Variants in QKI observed in about 807,000 individuals in gnomAD.
QKI encodes the protein QKI, KH domain containing RNA binding.
Under a neutral mutation model 39.0 loss-of-function variants are expected in QKI, and 10 were observed. That is an observed-to-expected ratio of 0.26 (90% CI 0.16 to 0.43). The LOEUF (loss-of-function observed/expected upper bound fraction) is 0.43. QKI is among the 20% of genes least tolerant of loss of function. The pLI, the probability that QKI is intolerant of heterozygous loss-of-function variation, is 1.00. For missense variants in QKI, 218 were observed against 428.0 expected (o/e 0.51, Z 4.33); for synonymous variants, 204 against 155.4 (o/e 1.31, Z -2.33).
intron 4 of QKI, among the ~76,000 whole-genome samples, chr6:163,554,505 G>A (rs1479024758): frequency 6.6e-6 from 1 of 152,212 alleles, no homozygotes; most frequent in Non-Finnish European, 1.5e-5. Context: ...TCTACCAGCT[G>A]TATAGGATAA....
At chr6:163,467,571 C>A (rs1791861645) in intron 2 of QKI, among the ~76,000 whole-genome samples, 1 of 152,118 alleles carries the variant, frequency 6.6e-6, no homozygotes, top group Non-Finnish European at 1.5e-5. Flanking sequence ...GTAACATGTG[C>A]CATGTGTGCT....
At chr6:163,500,345 C>G (rs9347752) in intron 3 of QKI, among the ~76,000 whole-genome samples, 12,766 of 152,008 alleles carry the variant, frequency 0.084, 648 homozygotes, top group African/African-American at 0.12. Context: ...TTGGCTGTTG[C>G]AGTTGTTGAG....
chr6:163,447,869 G>T (rs1562443361), intron 1 of QKI, among the ~76,000 whole-genome samples: 1 of 152,056 alleles, frequency 6.6e-6, no homozygotes, highest in Non-Finnish European at 1.5e-5. Flanking sequence ...TCTCCTAATA[G>T]GTGATTATTG....
chr6:163,484,339 A>G (rs1793308955), intron 3 of QKI, among the ~76,000 whole-genome samples: 1 of 151,868 alleles, frequency 6.6e-6, no homozygotes, highest in Admixed American at 6.6e-5. Flanking sequence ...AGCTGGGGTT[A>G]GAGGCATGCA....
At chr6:163,570,666 TTG>T in intron 7 of QKI, 26 bp from the exon 8 acceptor site, 1 of 1,603,908 alleles carries the variant, frequency 6.2e-7, no homozygotes, top group Admixed American at 1.7e-5. Context: ...TTTTTTTGTT[TTG>T]TTTTTTTTTG....
Position 163,415,301 on chromosome 6 carries a change from G to T in QKI, c.108G>T (p.Gly36=). The T allele has an allele frequency of 6.3e-7, 1 of 1,594,564 alleles. No homozygotes were observed. Among genetic ancestry groups the T allele is most frequent in the Non-Finnish European group, 8.6e-7 (1 of 1,167,680 alleles). The change falls in exon 1 of 8, where the codon GGG becomes GGT. Residue 36 remains glycine, a synonymous_variant. Coordinates refer to ENST00000361752, the MANE Select transcript of QKI (RefSeq NM_006775.3). ...KLMSSLPNFC[G]IFNHLERLLD... ...TGAGCAGCCTGCCCAACTTCTGCGGGATCTTCAACCACCTCGAGCGGCTGC... is the reference window on the plus strand; with the variant it reads ...TGAGCAGCCTGCCCAACTTCTGCGGTATCTTCAACCACCTCGAGCGGCTGC...
At chr6:163,419,354 ATAT>A (rs1787802790) in intron 1 of QKI, among the ~76,000 whole-genome samples, 2 of 151,904 alleles carry the variant, frequency 1.3e-5, no homozygotes, top group African/African-American at 4.8e-5. Flanking sequence ...CTTAAGAATT[ATAT>A]GGTGGTTGGT....
At chr6:163,434,066 T>C (rs1446818199) in intron 1 of QKI, among the ~76,000 whole-genome samples, 1 of 152,192 alleles carries the variant, frequency 6.6e-6, no homozygotes, top group Non-Finnish European at 1.5e-5. Context: ...AATTTAGTTT[T>C]CAACAAACTT....
intron 3 of QKI, among the ~76,000 whole-genome samples, chr6:163,491,433 CCCT>C (rs1457478642): frequency 6.6e-6 from 1 of 152,056 alleles, no homozygotes; most frequent in Non-Finnish European, 1.5e-5. Context: ...TCCCTGGTGT[CCCT>C]CCTCCTCTAC....
chr6:163,528,064 G>GT (rs1780620763), intron 3 of QKI, among the ~76,000 whole-genome samples: 2 of 152,170 alleles, frequency 1.3e-5, no homozygotes, highest in African/African-American at 4.8e-5. Context: ...TTTTCTCCCA[G>GT]TTCTTGACAT....
intron 3 of QKI, among the ~76,000 whole-genome samples, chr6:163,503,930 A>G (rs1469642023): frequency 6.6e-6 from 1 of 151,522 alleles, no homozygotes; most frequent in Non-Finnish European, 1.5e-5. Flanking sequence ...TTTAGTAGAG[A>G]TGGGGTTTTT....
chr6:163,560,538 C>T (rs189445334), intron 4 of QKI, among the ~76,000 whole-genome samples: 124 of 151,944 alleles, frequency 8.2e-4, no homozygotes, highest in Admixed American at 2.0e-3. Flanking sequence ...GCAGAGAGTG[C>T]GCAGGGGAGC....
chr6:163,560,166 TAAC>T (rs1243095577), intron 4 of QKI, among the ~76,000 whole-genome samples: 1 of 152,146 alleles, frequency 6.6e-6, no homozygotes, highest in Non-Finnish European at 1.5e-5. Context: ...TAGGCAGTGG[TAAC>T]AAAGAAATAA....
At chr6:163,452,446 T>C (rs1456532232) in intron 1 of QKI, among the ~76,000 whole-genome samples, 2 of 152,190 alleles carry the variant, frequency 1.3e-5, no homozygotes, top group Non-Finnish European at 2.9e-5. Context: ...GAATAAGTTA[T>C]TTGAGAGCTG....
At chr6:163,490,756 G>A (rs183121897) in intron 3 of QKI, among the ~76,000 whole-genome samples, 5 of 152,210 alleles carry the variant, frequency 3.3e-5, no homozygotes, top group Non-Finnish European at 5.9e-5. Context: ...AATTGTTTTG[G>A]AAAGGTAACT....
At chr6:163,514,065 C>T (rs1779646935) in intron 3 of QKI, among the ~76,000 whole-genome samples, 1 of 152,048 alleles carries the variant, frequency 6.6e-6, no homozygotes. Context: ...AGAAACTGCT[C>T]AGCCAGAGGA....
At chr6:163,443,985 C>T (rs1789949424) in intron 1 of QKI, among the ~76,000 whole-genome samples, 1 of 152,194 alleles carries the variant, frequency 6.6e-6, no homozygotes, top group Non-Finnish European at 1.5e-5. Flanking sequence ...TACATAGGTA[C>T]AGACCTTTCC....
rs1790830470 is a variant in QKI at position 163,455,181 on chromosome 6, C to G, written c.143-98C>G. The G allele has an allele frequency of 1.4e-5, 13 of 922,406 alleles. No homozygotes were observed. In the South Asian group the frequency reaches 2.6e-4, roughly 18 times the overall value. 57.1% of individuals were successfully genotyped at this position (922,406 alleles called of 1,614,324 possible). A position where few individuals can be genotyped will look rare whatever the true frequency, so the allele number is the denominator to read the frequency against. On this transcript the variant is annotated intron_variant, in intron 1 of 7. Coordinates refer to ENST00000361752, the MANE Select transcript of QKI (RefSeq NM_006775.3). ...GGAGCTCCTTATTTGAGTTTTAATGCTTTATCAATGAAACCCTCCCCTGCC... is the reference window on the plus strand; with the variant it reads ...GGAGCTCCTTATTTGAGTTTTAATGGTTTATCAATGAAACCCTCCCCTGCC...
At chr6:163,526,706 A>G (rs916244829) in intron 3 of QKI, among the ~76,000 whole-genome samples, 6 of 152,192 alleles carry the variant, frequency 3.9e-5, no homozygotes, top group Non-Finnish European at 2.9e-5. Context: ...AGCCTTAACT[A>G]TGTTTCATCA....
Sources: allele counts gnomAD v4.1 joint callset (sites outside exome capture counted in the v4.1 genomes callset), GRCh38; gene constraint gnomAD v4.1.1; transcripts MANE v1.5; gene names NCBI Gene and HGNC (gene_info 2026-07-23, HGNC 2026-07-21).